CFAP299: variants seen among roughly 807,000 people sequenced by gnomAD.
CFAP299 encodes the protein cilia- and flagella-associated protein 299.
Under a neutral mutation model 27.0 loss-of-function variants are expected in CFAP299, and 21 were observed. The ratio of observed to expected loss-of-function variants is 0.78; its 90% CI spans 0.55 to 1.12. The LOEUF (loss-of-function observed/expected upper bound fraction) is 1.12. Ranked by LOEUF, CFAP299 falls within the 50% of genes most tolerant of loss-of-function variation. The pLI is 0.00. For missense variants in CFAP299, 310 were observed against 276.6 expected (o/e 1.12, Z -0.86); for synonymous variants, 104 against 98.1 (o/e 1.06, Z -0.36).
chr4:80,467,939 A>G (rs906783293), intron 2 of CFAP299, among the ~76,000 whole-genome samples: 3 of 152,212 alleles, frequency 2.0e-5, no homozygotes, highest in Non-Finnish European at 4.4e-5. Context: ...TCACGAGAAC[A>G]TCATAGGGAA....
At position 80,609,425 on chromosome 4, in the gene CFAP299, G is replaced by A. The variant is rs530567553; in HGVS notation, c.333+26242G>A. On this transcript the variant is annotated intron_variant, in intron 3 of 5. Coordinates refer to ENST00000358105, the MANE Select transcript of CFAP299 (RefSeq NM_152770.3). ...GAAGGAAGCTATTTGGTAGAAGAAG[G>A]ATATATTTTTTGAAATGTTTCAAGG... 6.6e-5 allele frequency among the ~76,000 whole-genome samples: 10 copies of A among 152,066 alleles called. No individual in the cohort carries two copies. The South Asian group carries it at 2.1e-3, about 32-fold the overall frequency.
intron 1 of CFAP299, 137 bp from the exon 2 acceptor site, chr4:80,362,617 T>C: frequency 1.1e-6 from 1 of 897,990 alleles, no homozygotes; most frequent in East Asian, 2.7e-5. Flanking sequence ...TAATAGATCA[T>C]GTCTAGTTTT....
chr4:80,611,312 G>GT (rs150483746), intron 3 of CFAP299, among the ~76,000 whole-genome samples: 7,808 of 152,078 alleles, frequency 0.051, 616 homozygotes, highest in African/African-American at 0.16. Context: ...GTTGAGCAAA[G>GT]TTTTAAAATA....
Position 80,578,428 on chromosome 4 carries a change from C to T in CFAP299, c.243-4665C>T, listed in dbSNP as rs186864061. Among the ~76,000 whole-genome samples, 245 of 152,230 alleles carry T rather than the reference C, an allele frequency of 1.6e-3. 1 individual carries two copies. Among genetic ancestry groups the T allele is most frequent in the Admixed American group, 2.8e-3 (42 of 15,270 alleles). On this transcript the variant is annotated intron_variant, in intron 2 of 5. Transcript: ENST00000358105. ...TTATGTAACATTTTTTTCTCTGCTT[C>T]GGATAGCTTTGGAGCCAAAGATCCT...
intron 2 of CFAP299, among the ~76,000 whole-genome samples, chr4:80,368,821 A>G (rs968359226): frequency 6.6e-6 from 1 of 152,206 alleles, no homozygotes; most frequent in Non-Finnish European, 1.5e-5. Context: ...TTTGCTTAGT[A>G]TCATATTTTT....
chr4:80,498,760 T>C (rs146253068), intron 2 of CFAP299, among the ~76,000 whole-genome samples: 240 of 152,208 alleles, frequency 1.6e-3, no homozygotes, highest in African/African-American at 2.5e-3. Context: ...CCCAAAGGAA[T>C]AGAAATAATT....
At chr4:80,902,248 C>T (rs1220429241) in intron 4 of CFAP299, among the ~76,000 whole-genome samples, 1 of 150,830 alleles carries the variant, frequency 6.6e-6, no homozygotes, top group Non-Finnish European at 1.5e-5. Context: ...TCCTGAACAT[C>T]TATATGTTAA....
intron 2 of CFAP299, among the ~76,000 whole-genome samples, chr4:80,423,188 A>C (rs1727370295): frequency 6.6e-6 from 1 of 152,230 alleles, no homozygotes; most frequent in Non-Finnish European, 1.5e-5. Context: ...GTATGACTGC[A>C]TAAGTTAGGC....
intron 3 of CFAP299, among the ~76,000 whole-genome samples, chr4:80,799,879 T>C (rs1384409574): frequency 9.8e-5 from 3 of 30,662 alleles, no homozygotes; most frequent in African/African-American, 1.7e-4. Context: ...TATATTATAT[T>C]ATATAATATA....
chr4:80,614,576 C>T lies in CFAP299; in HGVS notation c.333+31393C>T, dbSNP rs141953889. ...CGGGTGTAGTCAGAGGCCTGCCTGC[C>T]TCCTAAAAGGTTGGGAGCAAAGTTA... On this transcript the variant is annotated intron_variant, in intron 3 of 5. Transcript: ENST00000358105. Among the ~76,000 whole-genome samples, 37 of 152,328 alleles carry T rather than the reference C, an allele frequency of 2.4e-4. No homozygotes were observed. In the East Asian group the frequency reaches 5.4e-3, roughly 22 times the overall value.
chr4:80,459,242 G>A (rs1336575916), intron 2 of CFAP299, among the ~76,000 whole-genome samples: 4 of 152,108 alleles, frequency 2.6e-5, no homozygotes, highest in African/African-American at 9.7e-5. Context: ...CTCCCACTTA[G>A]GCCTCCCAAA....
At chr4:80,472,723 C>T (rs1730068004) in intron 2 of CFAP299, among the ~76,000 whole-genome samples, 1 of 152,156 alleles carries the variant, frequency 6.6e-6, no homozygotes, top group Non-Finnish European at 1.5e-5. Flanking sequence ...TTATCACCCT[C>T]CCCCTAGCAA....
intron 3 of CFAP299, among the ~76,000 whole-genome samples, chr4:80,762,186 T>A (rs1381474322): frequency 1.3e-5 from 2 of 151,960 alleles, no homozygotes; most frequent in African/African-American, 4.8e-5. Flanking sequence ...CCTCAGGATA[T>A]GTTTCAAAAA....
intron 2 of CFAP299, among the ~76,000 whole-genome samples, chr4:80,444,076 A>G (rs1480395910): frequency 6.6e-6 from 1 of 152,204 alleles, no homozygotes; most frequent in East Asian, 1.9e-4. Flanking sequence ...GATAGGAAAA[A>G]TCAATATTGT....
At chr4:80,436,227 G>T (rs929003368) in intron 2 of CFAP299, among the ~76,000 whole-genome samples, 12 of 152,116 alleles carry the variant, frequency 7.9e-5, no homozygotes, top group African/African-American at 2.7e-4. Context: ...TTAAAGCAAG[G>T]TGTGGCCATG....
intron 3 of CFAP299, among the ~76,000 whole-genome samples, chr4:80,806,398 G>C (rs1287586927): frequency 6.6e-6 from 1 of 152,162 alleles, no homozygotes. Context: ...TGTACTTGGA[G>C]AGCTTGACAG....
chr4:80,368,831 T>C (rs1463328751), intron 2 of CFAP299, among the ~76,000 whole-genome samples: 1 of 152,220 alleles, frequency 6.6e-6, no homozygotes, highest in African/African-American at 2.4e-5. Context: ...ATCATATTTT[T>C]AAATAGTTAT....
chr4:80,457,172 C>T (rs1333883616), intron 2 of CFAP299, among the ~76,000 whole-genome samples: 3 of 151,994 alleles, frequency 2.0e-5, no homozygotes, highest in Non-Finnish European at 4.4e-5. Context: ...TTCCATTAAC[C>T]ACTAAATTGA....
intron 2 of CFAP299, among the ~76,000 whole-genome samples, chr4:80,426,749 AT>A (rs1191690752): frequency 6.6e-6 from 1 of 152,182 alleles, no homozygotes; most frequent in East Asian, 1.9e-4. Flanking sequence ...CCTGAGTTAG[AT>A]TCTTGGTTTC....
Sources: gnomAD v4.1 joint callset for allele counts (sites outside exome capture counted in the v4.1 genomes callset) on GRCh38, gnomAD v4.1.1 for gene constraint, MANE v1.5 for transcripts, NCBI Gene and HGNC (gene_info 2026-07-23, HGNC 2026-07-21) for gene names.